PEAK1: variants seen among roughly 807,000 people sequenced by gnomAD.
PEAK1 encodes the protein inactive tyrosine-protein kinase PEAK1.
In PEAK1, 54 loss-of-function variants were observed where a neutral mutation model predicts 124.7. The ratio of observed to expected loss-of-function variants is 0.43; its 90% confidence interval spans 0.35 to 0.54. PEAK1 has a LOEUF of 0.54. PEAK1 is among the 20% of genes least tolerant of loss of function. The pLI is 0.01. For synonymous variants in PEAK1, 719 were observed against 760.0 expected (o/e 0.95, Z 0.89); for missense variants, 2,046 against 2,134.5 (o/e 0.96, Z 0.82).
At chr15:77,237,632 A>AT (rs1433965754) in intron 6 of PEAK1, among the ~76,000 whole-genome samples, 1 of 151,992 alleles carries the variant, frequency 6.6e-6, no homozygotes, top group Non-Finnish European at 1.5e-5. Flanking sequence ...AAATATATGT[A>AT]TTTATTTTTT....
chr15:77,102,424 C>T (rs2050703350), exon 7 of PEAK1: 1 of 152,146 alleles, frequency 6.6e-6, no homozygotes, highest in African/African-American at 2.4e-5. Context: ...TGATCTTTCC[C>T]TTTCAGACAC....
chr15:77,356,526 A>G (rs570132300), intron 2 of PEAK1, among the ~76,000 whole-genome samples: 1 of 152,338 alleles, frequency 6.6e-6, no homozygotes, highest in African/African-American at 2.4e-5. Context: ...ACTCAATAGA[A>G]TATCTTGCAT....
intron 6 of PEAK1, among the ~76,000 whole-genome samples, chr15:77,182,899 G>GCATTTTA (rs1208648550): frequency 6.6e-6 from 1 of 152,008 alleles, no homozygotes; most frequent in Non-Finnish European, 1.5e-5. Context: ...AATCCAATTT[G>GCATTTTA]CATTTTAAAA....
intron 1 of PEAK1, chr15:77,419,672 G>C (rs1418641174): frequency 1.0e-6 from 1 of 985,074 alleles, no homozygotes; most frequent in South Asian, 4.7e-5. Flanking sequence ...GCGCCCGGGG[G>C]CGTCCCTCGC....
chr15:77,267,344 C>T (rs532897309), intron 5 of PEAK1, among the ~76,000 whole-genome samples: 16 of 152,186 alleles, frequency 1.1e-4, no homozygotes, highest in Non-Finnish European at 1.9e-4. Context: ...CCTCATCCTC[C>T]CTATACTACC....
chr15:77,312,052 T>A (rs1045043454), intron 2 of PEAK1, among the ~76,000 whole-genome samples: 6 of 152,056 alleles, frequency 3.9e-5, no homozygotes, highest in Admixed American at 1.3e-4. Flanking sequence ...TCATAATTAG[T>A]GCAGGAGTAA....
intron 1 of PEAK1, among the ~76,000 whole-genome samples, chr15:77,397,290 C>T (rs1177382105): frequency 6.6e-6 from 1 of 151,930 alleles, no homozygotes; most frequent in East Asian, 1.9e-4. Flanking sequence ...TACCAAAAAT[C>T]TATAGGATAT....
chr15:77,269,417 CAAAG>C (rs923229923), intron 5 of PEAK1, among the ~76,000 whole-genome samples: 7 of 152,038 alleles, frequency 4.6e-5, no homozygotes, highest in Admixed American at 1.3e-4. Flanking sequence ...TTAAAAACGA[CAAAG>C]AGAGATACTA....
chr15:77,292,809 TTACA>T (rs1381160912), intron 2 of PEAK1, among the ~76,000 whole-genome samples: 3 of 152,196 alleles, frequency 2.0e-5, no homozygotes, highest in Admixed American at 1.3e-4. Context: ...ATATGAATAC[TTACA>T]TATATATAGT....
chr15:77,275,767 G>T lies in PEAK1; in HGVS notation c.-275+8116C>A, dbSNP rs960233993. Among the ~76,000 whole-genome samples, 8 of 151,380 alleles carry T rather than the reference G, an allele frequency of 5.3e-5. No individual in the cohort carries two copies. The South Asian group carries it at 1.7e-3, about 32-fold the overall frequency. On this transcript the variant is annotated intron_variant, in intron 5 of 9. Coordinates refer to ENST00000682557, the MANE Select transcript of PEAK1 (RefSeq NM_001385026.1). ...TAAAAAAAGGAAAAAAGAAGTAAAT[G>T]TATTTTTTTAAAGAAAGAAAAAGAA...
At chr15:77,154,308 CCCTG>C (rs2054926087) in intron 8 of PEAK1, among the ~76,000 whole-genome samples, 1 of 151,954 alleles carries the variant, frequency 6.6e-6, no homozygotes, top group Admixed American at 6.6e-5. Context: ...GGATTGCAAC[CCCTG>C]CCTTTTTTTG....
intron 2 of PEAK1, chr15:77,348,431 T>C: frequency 1.1e-6 from 1 of 934,380 alleles, no homozygotes; most frequent in Non-Finnish European, 1.3e-6. Flanking sequence ...AAACAGCTGA[T>C]TTTTTAAAAA....
rs375643965 is a variant in PEAK1, at chr15:77,112,736, C to A, written c.*1420G>T. ...AGTGGAAGGAACGCTCATCTCTTAG[C>A]GCAAATATGTGCCAAGGGAAGAAGG... On this transcript the variant is annotated 3_prime_UTR_variant, in exon 10 of 10. Transcript: ENST00000682557. 3.3e-5 allele frequency: 5 copies of A among 152,138 alleles called. No individual in the cohort carries two copies. The highest frequency in any genetic ancestry group is 5.8e-5 in the Non-Finnish European group (4 of 68,380). 9.4% of individuals were successfully genotyped at this position (152,138 alleles called of 1,614,324 possible). A position where few individuals can be genotyped will look rare whatever the true frequency, so the allele number is the denominator to read the frequency against.
chr15:77,311,685 CAAAAAAAAAA>C (rs11296386), intron 2 of PEAK1, among the ~76,000 whole-genome samples: 4 of 85,874 alleles, frequency 4.7e-5, no homozygotes, highest in Middle Eastern at 9.1e-3. Flanking sequence ...CCAACCCCCA[CAAAAAAAAAA>C]AAAAAAAAAA....
Position 77,112,184 on chromosome 15 carries a change from A to G in PEAK1, c.*1972T>C, listed in dbSNP as rs1032179348. 2 of 152,164 alleles carry G rather than the reference A, an allele frequency of 1.3e-5. No individual in the cohort carries two copies. Among genetic ancestry groups the G allele is most frequent in the Non-Finnish European group, 2.9e-5 (2 of 68,020 alleles). 9.4% of individuals were successfully genotyped at this position (152,164 alleles called of 1,614,324 possible). Reference sequence around the variant, plus strand: ...CAGCCTTCTTTCCTGTGAGTCCTATATTGCTGGCCAGGGGATAAGGGACAT... The same window carrying G: ...CAGCCTTCTTTCCTGTGAGTCCTATGTTGCTGGCCAGGGGATAAGGGACAT... On this transcript the variant is annotated 3_prime_UTR_variant, in exon 10 of 10. Coordinates refer to ENST00000682557, the MANE Select transcript of PEAK1 (RefSeq NM_001385026.1).
chr15:77,386,498 G>GA (rs2069954356), intron 1 of PEAK1, among the ~76,000 whole-genome samples: 1 of 151,978 alleles, frequency 6.6e-6, no homozygotes, highest in East Asian at 1.9e-4. Flanking sequence ...CAATCAGAGG[G>GA]AAAAAATTTT....
Position 77,181,882 on chromosome 15 carries a change from A to T in PEAK1, c.45T>A (p.Gly15=), listed in dbSNP as rs750681889. 6.2e-7 allele frequency: 1 copy of T among 1,600,746 alleles called. No individual in the cohort carries two copies. The highest frequency in any genetic ancestry group is 2.2e-5 in the East Asian group (1 of 44,640). Residue 15 remains glycine (G), a synonymous_variant, in exon 7 of 10, where the codon GGT becomes GGA. Transcript: ENST00000682557. The part of the protein sequence containing the change: ...NTFTEHVWKP[G]ECKNCFKPKS... Reference sequence around the variant, plus strand: ...TAGGTTTAAAGCAATTCTTGCATTCACCAGGTTTCCAAACATGTTCAGTAA... The same window carrying T: ...TAGGTTTAAAGCAATTCTTGCATTCTCCAGGTTTCCAAACATGTTCAGTAA...
At chr15:77,261,745 G>C (rs2061453592) in intron 5 of PEAK1, among the ~76,000 whole-genome samples, 1 of 152,004 alleles carries the variant, frequency 6.6e-6, no homozygotes, top group Non-Finnish European at 1.5e-5. Flanking sequence ...TTCAGATTCG[G>C]GAAATACAGA....
intron 5 of PEAK1, among the ~76,000 whole-genome samples, chr15:77,265,196 C>T (rs1419874507): frequency 6.6e-6 from 1 of 152,104 alleles, no homozygotes; most frequent in African/African-American, 2.4e-5. Flanking sequence ...TAGGCATGGG[C>T]AAGGACTTCA....
Sources: allele counts gnomAD v4.1 joint callset (sites outside exome capture counted in the v4.1 genomes callset), GRCh38; gene constraint gnomAD v4.1.1; transcripts MANE v1.5; gene names NCBI Gene and HGNC (gene_info 2026-07-23, HGNC 2026-07-21).